The following GOLPH3 variants were observed in gnomAD, a reference collection of about 807,000 sequenced individuals.
GOLPH3 encodes coat protein GPP34.
A neutral mutation model predicts 28.5 loss-of-function variants in GOLPH3; 14 were observed. The ratio of observed to expected loss-of-function variants is 0.49; its 90% CI spans 0.32 to 0.77. The LOEUF (loss-of-function observed/expected upper bound fraction) is 0.77. Ranked by LOEUF, GOLPH3 falls within the 30% of genes least tolerant of loss-of-function variation. The probability of loss-of-function intolerance (pLI) is 0.03; values close to 1 mark genes in which losing one functional copy is unlikely to be tolerated. For synonymous variants in GOLPH3, 158 were observed against 159.2 expected (o/e 0.99, Z 0.06); for missense variants, 350 against 393.7 (o/e 0.89, Z 0.94).
At chr5:32,132,559 A>G (rs966286402) in intron 3 of GOLPH3, among the ~76,000 whole-genome samples, 6 of 152,210 alleles carry the variant, frequency 3.9e-5, no homozygotes, top group South Asian at 4.1e-4. Flanking sequence ...AGATGTATAA[A>G]ACTGTTCCCC....
intron 1 of GOLPH3, among the ~76,000 whole-genome samples, chr5:32,154,501 TCA>T (rs542810734): frequency 6.6e-6 from 1 of 152,228 alleles, no homozygotes; most frequent in Non-Finnish European, 1.5e-5. Context: ...GGTGACAAAC[TCA>T]CAGATACTAT....
Position 32,126,268 on chromosome 5 carries a change from G to A in GOLPH3, c.841C>T (p.Leu281=), listed in dbSNP as rs564566329. The change falls in exon 4 of 4, where the codon CTG becomes TTG. Residue 281 remains leucine, a synonymous_variant. Transcript: ENST00000265070. ...LLDLDPEVEC[L]KANTNEVLWA... ...AGAACCTCATTGGTGTTGGCCTTCA[G>A]ACATTCCACTTCAGGGTCTAAGTCG... is the stretch of plus-strand genomic sequence containing the variant. The A allele has an allele frequency of 1.3e-5, 21 of 1,614,172 alleles. No individual in the cohort carries two copies. In the East Asian group the frequency reaches 1.3e-4, roughly 10 times the overall value.
rs190286806 is a variant in GOLPH3, at chr5:32,163,276, T to C, written c.225+10534A>G. 2.0e-3 allele frequency among the ~76,000 whole-genome samples: 299 copies of C among 152,244 alleles called. 2 individuals carry two copies. Among genetic ancestry groups the C allele is most frequent in the African/African-American group, 6.8e-3 (283 of 41,554 alleles). ...CACCTAACACATACTCCCATAAAAG[T>C]TAGTAACTCAGAAGAGGCAGGCAGG... On this transcript the variant is annotated intron_variant, in intron 1 of 3. Coordinates refer to ENST00000265070, the MANE Select transcript of GOLPH3 (RefSeq NM_022130.4).
In GOLPH3 at chr5:32,125,158, T is replaced by A. The variant is rs546813296; in HGVS notation, c.*1054A>T. ...CATGCAACATCTGCTAGGACTGACA[T>A]TTGATTTTTTTCCCCAAGAATGTGT... On this transcript the variant is annotated 3_prime_UTR_variant, in exon 4 of 4. Transcript: ENST00000265070. The A allele has an allele frequency of 6.5e-6, 1 of 152,764 alleles. No homozygotes were observed. Among genetic ancestry groups the A allele is most frequent in the Admixed American group, 6.5e-5 (1 of 15,306 alleles). 9.5% of individuals were successfully genotyped at this position (152,764 alleles called of 1,614,324 possible).
At chr5:32,149,274 G>C (rs182092243) in intron 1 of GOLPH3, among the ~76,000 whole-genome samples, 1 of 152,186 alleles carries the variant, frequency 6.6e-6, no homozygotes, top group Non-Finnish European at 1.5e-5. Context: ...GCACATACAC[G>C]GAATAGCATG....
In GOLPH3 at chr5:32,125,651, T is replaced by A. The variant is rs979425520; in HGVS notation, c.*561A>T. 4.6e-5 allele frequency: 7 copies of A among 152,780 alleles called. No homozygotes were observed. The highest frequency in any genetic ancestry group is 8.8e-5 in the Non-Finnish European group (6 of 68,140). The allele number at this position is 152,780 out of a possible 1,614,324, so 9.5% of individuals were successfully genotyped here. ...AATTATAACAAGTGTAATAATACAA[T>A]AGATTTACATGGGAAGCAAAATCCA... is the stretch of plus-strand genomic sequence containing the variant. On this transcript the variant is annotated 3_prime_UTR_variant, in exon 4 of 4. Coordinates refer to ENST00000265070, the MANE Select transcript of GOLPH3 (RefSeq NM_022130.4).
chr5:32,142,953 C>T (rs1384398090), intron 2 of GOLPH3, among the ~76,000 whole-genome samples: 1 of 152,130 alleles, frequency 6.6e-6, no homozygotes, highest in Non-Finnish European at 1.5e-5. Flanking sequence ...GGAGGTGTAC[C>T]CAACAGCTCA....
chr5:32,135,347 A>G (rs1745910259), intron 3 of GOLPH3, among the ~76,000 whole-genome samples: 1 of 152,196 alleles, frequency 6.6e-6, no homozygotes, highest in African/African-American at 2.4e-5. Context: ...AGAACATGGG[A>G]GCTCTAAGAG....
intron 1 of GOLPH3, among the ~76,000 whole-genome samples, chr5:32,144,205 C>T (rs1425202460): frequency 6.6e-6 from 1 of 152,136 alleles, no homozygotes; most frequent in Non-Finnish European, 1.5e-5. Context: ...ACTCAGTTAA[C>T]CCCAGATTAT....
chr5:32,154,632 G>C (rs1011861684), intron 1 of GOLPH3, among the ~76,000 whole-genome samples: 1 of 152,128 alleles, frequency 6.6e-6, no homozygotes, highest in Non-Finnish European at 1.5e-5. Flanking sequence ...ATTCTACAGT[G>C]ACCCCAAGCT....
intron 1 of GOLPH3, among the ~76,000 whole-genome samples, chr5:32,160,605 G>A (rs1442876828): frequency 6.6e-6 from 1 of 152,214 alleles, no homozygotes; most frequent in Non-Finnish European, 1.5e-5. Flanking sequence ...CATTGTGCTA[G>A]ATGCTAGAGA....
intron 2 of GOLPH3, among the ~76,000 whole-genome samples, chr5:32,139,301 G>C (rs947171613): frequency 2.0e-5 from 3 of 152,176 alleles, no homozygotes; most frequent in African/African-American, 7.2e-5. Flanking sequence ...AAGTATAGAA[G>C]AGGATGTGCA....
At chr5:32,152,423 C>T (rs1209219291) in intron 1 of GOLPH3, among the ~76,000 whole-genome samples, 1 of 130,398 alleles carries the variant, frequency 7.7e-6, no homozygotes, top group African/African-American at 2.6e-5. Context: ...CCGCGCCTGC[C>T]CCCCCCAGCC....
At chr5:32,136,128 T>C (rs528323858) in intron 2 of GOLPH3, among the ~76,000 whole-genome samples, 1 of 151,570 alleles carries the variant, frequency 6.6e-6, no homozygotes. Context: ...GAAGCCAAGA[T>C]CACGCCGCTG....
intron 1 of GOLPH3, among the ~76,000 whole-genome samples, chr5:32,148,024 G>A (rs1356535051): frequency 6.6e-6 from 1 of 152,182 alleles, no homozygotes; most frequent in African/African-American, 2.4e-5. Flanking sequence ...ATGGAATGGG[G>A]ATGGAGGACT....
chr5:32,148,929 C>A (rs932617194), intron 1 of GOLPH3, among the ~76,000 whole-genome samples: 6 of 152,038 alleles, frequency 3.9e-5, no homozygotes, highest in Non-Finnish European at 5.9e-5. Flanking sequence ...AAGCTGAGAT[C>A]GCACCACTGC....
chr5:32,174,105 C>T lies in GOLPH3; in HGVS notation c.-71G>A, dbSNP rs2111907338. 9.3e-7 allele frequency: 1 copy of T among 1,071,094 alleles called. No homozygotes were observed. The highest frequency in any genetic ancestry group is 3.4e-5 in the East Asian group (1 of 29,740). The allele number at this position is 1,071,094 out of a possible 1,614,324, so 66.3% of individuals were successfully genotyped here. On this transcript the variant is annotated 5_prime_UTR_variant, in exon 1 of 4. Transcript: ENST00000265070. Reference sequence around the variant, plus strand: ...GACCGGGTCGCCCTCCTCCTCCCCGCGCGGCCTCCGATCCGGGTTTCCGTG... The same window carrying T: ...GACCGGGTCGCCCTCCTCCTCCCCGTGCGGCCTCCGATCCGGGTTTCCGTG...
intron 3 of GOLPH3, among the ~76,000 whole-genome samples, chr5:32,133,303 T>C (rs1745864786): frequency 6.6e-6 from 1 of 152,216 alleles, no homozygotes; most frequent in African/African-American, 2.4e-5. Context: ...AAGTGTAAGA[T>C]GCATTTCAGT....
chr5:32,133,156 G>A (rs936575242), intron 3 of GOLPH3, among the ~76,000 whole-genome samples: 10 of 152,212 alleles, frequency 6.6e-5, no homozygotes, highest in Non-Finnish European at 1.3e-4. Flanking sequence ...ACATACTTGT[G>A]AGAAAAGCTT....
Sources: gnomAD v4.1 joint callset for allele counts (sites outside exome capture counted in the v4.1 genomes callset) on GRCh38, gnomAD v4.1.1 for gene constraint, MANE v1.5 for transcripts, NCBI Gene and HGNC (gene_info 2026-07-23, HGNC 2026-07-21) for gene names.